CMC1: variants seen among roughly 807,000 people sequenced by gnomAD.
The protein encoded by CMC1 is COX assembly mitochondrial protein homolog.
Under a neutral mutation model 14.1 loss-of-function variants are expected in CMC1, and 14 were observed. That is an observed-to-expected ratio of 0.99 (90% confidence interval 0.66 to 1.55). The LOEUF is 1.55. Among genes scored for constraint, CMC1 ranks in the 40% most tolerant of loss-of-function variants. The probability of loss-of-function intolerance (pLI) is 0.00; values close to 1 mark genes in which losing one functional copy is unlikely to be tolerated. For missense variants in CMC1, 127 were observed against 123.8 expected (o/e 1.03, Z -0.12); for synonymous variants, 50 against 38.4 (o/e 1.30, Z -1.12).
In CMC1 at chr3:28,323,354, A is replaced by AAT. The variant is rs1165853889; in HGVS notation, c.*3725_*3726insAT. On this transcript the variant is annotated 3_prime_UTR_variant, in exon 4 of 4. Transcript: ENST00000466830. The stretch of plus-strand genomic sequence containing the variant: ...CACCCCAGAGTTTTTCAACTATTTC[A>AAT]TTTTTTTTTTTTTTTTTCCCAATTA... The AAT allele has an allele frequency of 2.3e-5, 3 of 132,826 alleles. No homozygotes were observed. The highest frequency in any genetic ancestry group is 4.9e-5 in the Non-Finnish European group (3 of 61,418). 8.2% of individuals were successfully genotyped at this position (132,826 alleles called of 1,614,324 possible).
At chr3:28,303,388 T>G (rs960299678) in intron 2 of CMC1, among the ~76,000 whole-genome samples, 2 of 152,170 alleles carry the variant, frequency 1.3e-5, no homozygotes, top group African/African-American at 2.4e-5. Context: ...TTTAACTGCT[T>G]CTTGTAAGAA....
At chr3:28,308,671 A>T (rs921329041) in intron 2 of CMC1, among the ~76,000 whole-genome samples, 14 of 152,182 alleles carry the variant, frequency 9.2e-5, no homozygotes, top group Non-Finnish European at 2.1e-4. Context: ...TTCTTGAAAT[A>T]GTTATGGAAT....
chr3:28,269,537 A>G (rs1212772450), intron 2 of CMC1, among the ~76,000 whole-genome samples: 1 of 151,484 alleles, frequency 6.6e-6, no homozygotes, highest in Admixed American at 6.6e-5. Flanking sequence ...TGCTGCACCT[A>G]TCAACCCATC....
intron 2 of CMC1, among the ~76,000 whole-genome samples, chr3:28,286,505 C>T (rs1701188707): frequency 6.6e-6 from 1 of 152,112 alleles, no homozygotes; most frequent in Non-Finnish European, 1.5e-5. Context: ...CTACATGATT[C>T]CTACTGAGAG....
In CMC1 at chr3:28,299,746, G is replaced by A. The variant is rs551540595; in HGVS notation, c.110-16587G>A. ...CCTGGGACATTAAAAAAAACTCTTAGTTTACTTTTTTTTATGTTCAACATT... is the reference window on the plus strand; with the variant it reads ...CCTGGGACATTAAAAAAAACTCTTAATTTACTTTTTTTTATGTTCAACATT... On this transcript the variant is annotated intron_variant, in intron 2 of 3. Coordinates refer to ENST00000466830, the MANE Select transcript of CMC1 (RefSeq NM_182523.2). Among the ~76,000 whole-genome samples the A allele has an allele frequency of 2.0e-5, 3 of 151,942 alleles. No homozygotes were observed. In the East Asian group the frequency reaches 5.8e-4, roughly 29 times the overall value.
intron 2 of CMC1, among the ~76,000 whole-genome samples, chr3:28,291,608 G>T (rs1701472966): frequency 6.6e-6 from 1 of 152,068 alleles, no homozygotes; most frequent in Non-Finnish European, 1.5e-5. Flanking sequence ...TGTGACATTT[G>T]AGATGAATCT....
At chr3:28,267,967 G>A (rs908212040) in intron 2 of CMC1, among the ~76,000 whole-genome samples, 2 of 152,082 alleles carry the variant, frequency 1.3e-5, no homozygotes, top group African/African-American at 2.4e-5. Flanking sequence ...ATGTATTTTT[G>A]TCATTAACCA....
intron 2 of CMC1, among the ~76,000 whole-genome samples, chr3:28,287,446 C>A (rs1032125803): frequency 6.6e-6 from 1 of 152,080 alleles, no homozygotes; most frequent in Non-Finnish European, 1.5e-5. Flanking sequence ...TAGACTCCTA[C>A]TGTTTTGGTA....
At chr3:28,305,648 C>T (rs535157572) in intron 2 of CMC1, among the ~76,000 whole-genome samples, 2 of 152,076 alleles carry the variant, frequency 1.3e-5, no homozygotes, top group African/African-American at 4.8e-5. Context: ...TTGATGGTTT[C>T]TTTTGCAGGG....
At chr3:28,260,555 G>T (rs1024173320) in intron 1 of CMC1, among the ~76,000 whole-genome samples, 69 of 145,374 alleles carry the variant, frequency 4.7e-4, no homozygotes, top group Non-Finnish European at 7.3e-4. Context: ...TAATTTCATT[G>T]TTTTTTTTTT....
chr3:28,319,904 A>G lies in CMC1; in HGVS notation c.*275A>G, dbSNP rs1055969558. 5 of 223,818 alleles carry G rather than the reference A, an allele frequency of 2.2e-5. No individual in the cohort carries two copies. The highest frequency in any genetic ancestry group is 4.6e-5 in the African/African-American group (2 of 43,302). 13.9% of individuals were successfully genotyped at this position (223,818 alleles called of 1,614,324 possible). On this transcript the variant is annotated 3_prime_UTR_variant, in exon 4 of 4. Coordinates refer to ENST00000466830, the MANE Select transcript of CMC1 (RefSeq NM_182523.2). Reference sequence around the variant, plus strand: ...AGTGATACTGATTTTTTAGAGTTCAATATGGTCCTTATATTATTTTTTTCC... The same window carrying G: ...AGTGATACTGATTTTTTAGAGTTCAGTATGGTCCTTATATTATTTTTTTCC...
intron 2 of CMC1, among the ~76,000 whole-genome samples, chr3:28,309,077 T>A (rs1702490091): frequency 6.6e-6 from 1 of 152,198 alleles, no homozygotes; most frequent in Non-Finnish European, 1.5e-5. Context: ...CTTGGTTTCC[T>A]TGCTTTCTCT....
chr3:28,299,196 A>G (rs199622627), intron 2 of CMC1, among the ~76,000 whole-genome samples: 1 of 152,090 alleles, frequency 6.6e-6, no homozygotes, highest in Non-Finnish European at 1.5e-5. Context: ...TCTTTAATCA[A>G]CTGTGTTATC....
At chr3:28,314,859 A>C (rs775210700) in intron 2 of CMC1, 1 of 151,986 alleles carries the variant, frequency 6.6e-6, no homozygotes, top group African/African-American at 2.4e-5. Context: ...TTTCATGGAC[A>C]CTCCTAAGAT....
chr3:28,262,318 G>A (rs1699773043), intron 1 of CMC1, among the ~76,000 whole-genome samples: 1 of 152,014 alleles, frequency 6.6e-6, no homozygotes, highest in Non-Finnish European at 1.5e-5. Flanking sequence ...ATTTGCCTCA[G>A]TATATTTATT....
intron 1 of CMC1, among the ~76,000 whole-genome samples, chr3:28,260,022 A>G (rs1699651200): frequency 6.6e-6 from 1 of 152,062 alleles, no homozygotes. Context: ...TTTGTTTTTT[A>G]TGAATGCATG....
intron 1 of CMC1, among the ~76,000 whole-genome samples, chr3:28,252,557 T>A (rs1699183319): frequency 6.6e-6 from 1 of 152,256 alleles, no homozygotes; most frequent in Non-Finnish European, 1.5e-5. Context: ...TTGATTTTAC[T>A]TTCTGATAAA....
chr3:28,281,212 T>A (rs1226106229), intron 2 of CMC1, among the ~76,000 whole-genome samples: 1 of 152,216 alleles, frequency 6.6e-6, no homozygotes, highest in African/African-American at 2.4e-5. Flanking sequence ...ACAGATTCAG[T>A]CTGCATTCTT....
intron 2 of CMC1, among the ~76,000 whole-genome samples, chr3:28,309,941 CCACA>C (rs57007112): frequency 0.13 from 17,472 of 132,280 alleles, 1,252 homozygotes; most frequent in South Asian, 0.21. Context: ...CTGACGTCCA[CCACA>C]CACACACACA....
Sources: allele counts gnomAD v4.1 joint callset (sites outside exome capture counted in the v4.1 genomes callset), GRCh38; gene constraint gnomAD v4.1.1; transcripts MANE v1.5; gene names NCBI Gene and HGNC (gene_info 2026-07-23, HGNC 2026-07-21).